Variants in CAPN8 observed in about 807,000 individuals in gnomAD.
CAPN8 encodes calpain 8.
CAPN8 carries 87 observed loss-of-function variants against 80.9 expected under a neutral mutation model. The observed-to-expected ratio is 1.07, with a 90% CI of 0.90 to 1.28. The LOEUF is 1.28. CAPN8 is among the 50% of genes most tolerant of loss of function. The pLI is 0.00. For missense variants in CAPN8, 757 were observed against 702.0 expected, an observed-to-expected ratio of 1.08 and a Z score of -0.89; for synonymous variants, 299 against 273.8, an observed-to-expected ratio of 1.09 and a Z score of -0.91.
At chr1:223,662,931 C>G (rs12567248) in intron 1 of CAPN8, among the ~76,000 whole-genome samples, 30,147 of 152,186 alleles carry the variant, frequency 0.2, 3,161 homozygotes, top group African/African-American at 0.27. Flanking sequence ...TCTGCCTTCT[C>G]TAATGTACCC....
intron 2 of CAPN8, among the ~76,000 whole-genome samples, chr1:223,647,148 A>G (rs1244153487): frequency 3.9e-5 from 6 of 152,194 alleles, no homozygotes; most frequent in Non-Finnish European, 8.8e-5. Flanking sequence ...TGACAAAATT[A>G]TCTTCTGGCA....
intron 2 of CAPN8, among the ~76,000 whole-genome samples, chr1:223,654,129 A>G (rs1658414844): frequency 6.6e-6 from 1 of 152,206 alleles, no homozygotes; most frequent in East Asian, 1.9e-4. Flanking sequence ...GCCAAGAGGT[A>G]GTTCCAGCAT....
chr1:223,547,788 G>C (rs538089605), intron 16 of CAPN8, among the ~76,000 whole-genome samples: 2 of 152,214 alleles, frequency 1.3e-5, no homozygotes, highest in Non-Finnish European at 2.9e-5. Flanking sequence ...GGAATAAAGA[G>C]TGGGTAGATT....
At chr1:223,642,939 A>G (rs947518544) in intron 2 of CAPN8, 1 of 380,924 alleles carries the variant, frequency 2.6e-6, no homozygotes, top group Admixed American at 3.7e-5. Flanking sequence ...AGAGGGAAAC[A>G]TTTTTCTTAG....
intron 2 of CAPN8, among the ~76,000 whole-genome samples, chr1:223,651,531 T>C (rs1450533681): frequency 1.3e-5 from 2 of 152,228 alleles, no homozygotes; most frequent in African/African-American, 4.8e-5. Context: ...GATGAAAATC[T>C]GGCTTAGCAA....
At chr1:223,545,122 A>G in intron 17 of CAPN8, 109 bp downstream of exon 17, 1 of 1,520,786 alleles carries the variant, frequency 6.6e-7, no homozygotes, top group Non-Finnish European at 8.9e-7. Flanking sequence ...CCCAGGACTC[A>G]ATAGTTTTGA....
intron 1 of CAPN8, among the ~76,000 whole-genome samples, chr1:223,656,371 A>G (rs1658489629): frequency 6.6e-6 from 1 of 152,068 alleles, no homozygotes; most frequent in East Asian, 1.9e-4. Flanking sequence ...CAGGAGGCTG[A>G]GGCAGGAGAA....
chr1:223,617,305 T>C (rs964688191), intron 9 of CAPN8: 1 of 141,626 alleles, frequency 7.1e-6, no homozygotes, highest in African/African-American at 2.7e-5. Context: ...TTTGTTTTGT[T>C]TTGTTTTGTT....
intron 5 of CAPN8, 38 bp downstream of exon 5, chr1:223,626,951 G>C: frequency 3.9e-6 from 6 of 1,535,514 alleles, no homozygotes; most frequent in Non-Finnish European, 5.3e-6. Flanking sequence ...GGGTGGCGGT[G>C]GGGGGAGGTG....
intron 14 of CAPN8, 45 bp downstream of exon 14, chr1:223,553,787 A>G (rs1163092627): frequency 7.5e-6 from 3 of 398,626 alleles, no homozygotes; most frequent in Non-Finnish European, 1.3e-5. Context: ...GCATTCCTGA[A>G]TATTCTCCTG....
At chr1:223,545,180 A>G in intron 17 of CAPN8, 51 bp downstream of exon 17, 1 of 1,551,472 alleles carries the variant, frequency 6.4e-7, no homozygotes. Context: ...GAATGAGTGT[A>G]AGGGAGGATT....
chr1:223,657,039 G>A (rs977247841), intron 1 of CAPN8, among the ~76,000 whole-genome samples: 1 of 152,122 alleles, frequency 6.6e-6, no homozygotes, highest in African/African-American at 2.4e-5. Flanking sequence ...GACATAGAGA[G>A]CTTTGTAACT....
intron 10 of CAPN8, among the ~76,000 whole-genome samples, chr1:223,614,413 A>G (rs1485202204): frequency 6.6e-6 from 1 of 151,760 alleles, no homozygotes; most frequent in Non-Finnish European, 1.5e-5. Flanking sequence ...AAAAAAAAAA[A>G]GGTAGGCCTG....
At chr1:223,644,131 C>T (rs956206579) in intron 2 of CAPN8, 6 of 334,090 alleles carry the variant, frequency 1.8e-5, no homozygotes, top group East Asian at 8.1e-5. Flanking sequence ...ACTATGTACC[C>T]GAGTAATATT....
chr1:223,550,830 C>A, intron 15 of CAPN8, 130 bp downstream of exon 15: 1 of 593,012 alleles, frequency 1.7e-6, no homozygotes, highest in East Asian at 2.9e-5. Context: ...TGAATCAGGG[C>A]TCCTGGGGTC....
At chr1:223,547,582 A>C (rs1414421653) in intron 16 of CAPN8, among the ~76,000 whole-genome samples, 3 of 152,206 alleles carry the variant, frequency 2.0e-5, no homozygotes, top group Non-Finnish European at 4.4e-5. Flanking sequence ...CCATTGCCTG[A>C]TATACTTTAA....
In CAPN8 at chr1:223,556,192, G is replaced by A. The variant is rs970456255; in HGVS notation, c.1572+1939C>T. 1.1e-3 allele frequency among the ~76,000 whole-genome samples: 172 copies of A among 152,218 alleles called. 1 individual carries two copies. The highest frequency in any genetic ancestry group is 1.8e-3 in the Non-Finnish European group (122 of 68,012). On this transcript the variant is annotated intron_variant, in intron 13 of 20. Coordinates refer to ENST00000366872, the MANE Select transcript of CAPN8 (RefSeq NM_001143962.2). ...ATGCTCTTTGAATGTCCAACTGTCC[G>A]TGACTTGGAGATTTCTGCAGGGAAT...
At chr1:223,543,393 C>T (rs891323280) in intron 19 of CAPN8, among the ~76,000 whole-genome samples, 2 of 152,032 alleles carry the variant, frequency 1.3e-5, no homozygotes, top group Non-Finnish European at 2.9e-5. Context: ...ACAGACAAAC[C>T]CCGTTGCCAG....
At chr1:223,660,047 A>G (rs1209567420) in intron 1 of CAPN8, among the ~76,000 whole-genome samples, 1 of 152,190 alleles carries the variant, frequency 6.6e-6, no homozygotes, top group Non-Finnish European at 1.5e-5. Context: ...TTCACTCCAG[A>G]TGTAGCAGCT....
Sources: gnomAD v4.1 joint callset for allele counts (sites outside exome capture counted in the v4.1 genomes callset) on GRCh38, gnomAD v4.1.1 for gene constraint, MANE v1.5 for transcripts, NCBI Gene and HGNC (gene_info 2026-07-23, HGNC 2026-07-21) for gene names.